The following KCNK2 variants were observed in gnomAD, a reference collection of about 807,000 sequenced individuals.
KCNK2 encodes potassium two pore domain channel subfamily K member 2, also known as potassium channel subfamily K member 2.
In KCNK2, 21 loss-of-function variants were observed where a neutral mutation model predicts 40.5. The observed-to-expected ratio is 0.52, with a 90% CI of 0.37 to 0.75. KCNK2 has a LOEUF of 0.75. KCNK2 is among the 30% of genes least tolerant of loss of function. The probability of loss-of-function intolerance (pLI) is 0.00; values close to 1 mark genes in which losing one functional copy is unlikely to be tolerated. For missense variants in KCNK2, 399 were observed against 531.6 expected (o/e 0.75, Z 2.45); for synonymous variants, 191 against 202.2 (o/e 0.94, Z 0.47).
chr1:215,197,216 G>T (rs1000666000), intron 6 of KCNK2, among the ~76,000 whole-genome samples: 6 of 152,156 alleles, frequency 3.9e-5, no homozygotes, highest in African/African-American at 1.4e-4. Flanking sequence ...GATAGGACTA[G>T]CTGGGTCAAA....
At chr1:215,073,739 G>C (rs550848023) in intron 1 of KCNK2, among the ~76,000 whole-genome samples, 10 of 152,234 alleles carry the variant, frequency 6.6e-5, no homozygotes, top group African/African-American at 2.4e-4. Context: ...ACTTCTTTGA[G>C]AATAACAACA....
At chr1:215,172,287 G>T in intron 5 of KCNK2, 104 bp downstream of exon 5, 1 of 981,884 alleles carries the variant, frequency 1.0e-6, no homozygotes. Context: ...GAGTTTTCTA[G>T]GGCTGACATA....
At position 215,089,831 on chromosome 1, in the gene KCNK2, TTTTTTTTA is replaced by T. The variant is rs368691097; in HGVS notation, c.357+3158_357+3165del. Among the ~76,000 whole-genome samples the T allele has an allele frequency of 5.3e-3, 333 of 62,980 alleles. 2 individuals are homozygous for T. The highest frequency in any genetic ancestry group is 0.018 in the African/African-American group (289 of 16,512). 41.3% of individuals were successfully genotyped at this position (62,980 alleles called of 152,430 possible). A position where few individuals can be genotyped will look rare whatever the true frequency, so the allele number is the denominator to read the frequency against. On this transcript the variant is annotated intron_variant, in intron 2 of 6. Coordinates refer to ENST00000444842, the MANE Select transcript of KCNK2 (RefSeq NM_001017425.3). ...ATTGTTCAGGTTTCTTTTTCTTTTT[TTTTTTTTA>T]TTTTGAAACAGAGTTTCGCTCTTGT... is the stretch of plus-strand genomic sequence containing the variant.
intron 1 of KCNK2, among the ~76,000 whole-genome samples, chr1:215,068,638 C>A (rs1441223188): frequency 1.3e-5 from 2 of 152,126 alleles, no homozygotes; most frequent in Admixed American, 1.3e-4. Flanking sequence ...TTTGCATTGG[C>A]AATTGTTAAA....
chr1:215,212,766 C>T (rs936957220), intron 6 of KCNK2, among the ~76,000 whole-genome samples: 20 of 152,204 alleles, frequency 1.3e-4, no homozygotes, highest in African/African-American at 4.6e-4. Context: ...AAGTTTTCTT[C>T]TTCCAGTGGA....
chr1:215,056,154 C>T (rs574157830), intron 1 of KCNK2, among the ~76,000 whole-genome samples: 2 of 151,698 alleles, frequency 1.3e-5, no homozygotes, highest in South Asian at 4.2e-4. Flanking sequence ...ACTAAAAATA[C>T]AAAATTAGCC....
intron 3 of KCNK2, among the ~76,000 whole-genome samples, chr1:215,128,186 A>T (rs1661517833): frequency 6.6e-6 from 1 of 152,200 alleles, no homozygotes; most frequent in African/African-American, 2.4e-5. Context: ...GCATTGTCCC[A>T]GTTGACTGGA....
chr1:215,076,469 T>C (rs1168460502), intron 1 of KCNK2, among the ~76,000 whole-genome samples: 5 of 152,162 alleles, frequency 3.3e-5, no homozygotes, highest in African/African-American at 7.2e-5. Flanking sequence ...AAGGACCTGC[T>C]TTCAAGCTCA....
intron 2 of KCNK2, among the ~76,000 whole-genome samples, chr1:215,104,577 A>C (rs1571617435): frequency 6.6e-6 from 1 of 152,164 alleles, no homozygotes; most frequent in East Asian, 1.9e-4. Flanking sequence ...TTTTAGAACT[A>C]GGGAAAAATC....
At position 215,056,145 on chromosome 1, in the gene KCNK2, C is replaced by G. The variant is rs1190432677; in HGVS notation, c.35-30223C>G. On this transcript the variant is annotated intron_variant, in intron 1 of 6. Coordinates refer to the KCNK2 transcript ENST00000391895. ...CCAAGATGGAGAAACCCCGTCTCTA[C>G]TAAAAATACAAAATTAGCCGGGCAT... Among the ~76,000 whole-genome samples, 6 of 151,758 alleles carry G rather than the reference C, an allele frequency of 4.0e-5. No homozygotes were observed. The South Asian group carries it at 1.2e-3, about 32-fold the overall frequency.
At chr1:215,023,897 A>T (rs1429233704) in intron 1 of KCNK2, among the ~76,000 whole-genome samples, 2 of 152,032 alleles carry the variant, frequency 1.3e-5, no homozygotes, top group Admixed American at 1.3e-4. Flanking sequence ...CCTCCACTTC[A>T]CCTTGCTGCC....
intron 6 of KCNK2, among the ~76,000 whole-genome samples, chr1:215,223,303 G>A (rs1254536829): frequency 6.8e-6 from 1 of 147,738 alleles, no homozygotes; most frequent in South Asian, 2.1e-4. Flanking sequence ...TGAGTTGGCT[G>A]TTGGTAATTG....
chr1:215,141,679 C>CT (rs1448822234), intron 3 of KCNK2, among the ~76,000 whole-genome samples: 1 of 152,100 alleles, frequency 6.6e-6, no homozygotes, highest in Non-Finnish European at 1.5e-5. Flanking sequence ...GGGATCACAA[C>CT]TTTTCCTACC....
intron 6 of KCNK2, among the ~76,000 whole-genome samples, chr1:215,210,037 A>T (rs1252494409): frequency 2.1e-5 from 2 of 94,108 alleles, no homozygotes; most frequent in East Asian, 2.8e-4. Flanking sequence ...TATATATAAT[A>T]TATATAATAT....
intron 2 of KCNK2, among the ~76,000 whole-genome samples, chr1:215,099,184 C>A (rs193079761): frequency 1.3e-5 from 2 of 151,764 alleles, no homozygotes; most frequent in Non-Finnish European, 2.9e-5. Context: ...ATCCTCTGAT[C>A]GGCCCTAGTG....
chr1:215,009,136 T>C (rs1656288287), intron 1 of KCNK2, among the ~76,000 whole-genome samples: 1 of 152,158 alleles, frequency 6.6e-6, no homozygotes, highest in Admixed American at 6.5e-5. Context: ...ATCTTTAAAA[T>C]GTATCCTATA....
intron 6 of KCNK2, among the ~76,000 whole-genome samples, chr1:215,210,512 T>A (rs1665695722): frequency 6.6e-6 from 1 of 152,122 alleles, no homozygotes; most frequent in African/African-American, 2.4e-5. Flanking sequence ...AGTTGAGGAC[T>A]GTTATGAAAA....
chr1:215,023,213 A>AT (rs113065585), intron 1 of KCNK2, among the ~76,000 whole-genome samples: 84 of 151,928 alleles, frequency 5.5e-4, no homozygotes, highest in African/African-American at 1.2e-3. Context: ...TATTATTATT[A>AT]TTTTTTTTGT....
intron 3 of KCNK2, among the ~76,000 whole-genome samples, chr1:215,146,387 A>C (rs1005066947): frequency 4.6e-5 from 7 of 152,192 alleles, no homozygotes; most frequent in African/African-American, 1.2e-4. Context: ...TGAAATTTAC[A>C]ACTGTCATGT....
Sources: gnomAD v4.1 joint callset for allele counts (sites outside exome capture counted in the v4.1 genomes callset) on GRCh38, gnomAD v4.1.1 for gene constraint, MANE v1.5 for transcripts, NCBI Gene and HGNC (gene_info 2026-07-23, HGNC 2026-07-21) for gene names.